The following FIP1L1 variants were observed in gnomAD, a reference collection of about 807,000 sequenced individuals.
FIP1L1 encodes the protein factor interacting with PAPOLA and CPSF1.
In FIP1L1, 21 loss-of-function variants were observed where a neutral mutation model predicts 84.6. That is an observed-to-expected ratio of 0.25 (90% CI 0.18 to 0.36). The LOEUF (loss-of-function observed/expected upper bound fraction) is 0.36, where lower values mean the gene tolerates loss of function less well. FIP1L1 is among the 10% of genes least tolerant of loss of function. The pLI, the probability that FIP1L1 is intolerant of heterozygous loss-of-function variation, is 1.00. For missense variants in FIP1L1, 526 were observed against 751.1 expected, an observed-to-expected ratio of 0.70 and a Z score of 3.50; for synonymous variants, 263 against 242.3, an observed-to-expected ratio of 1.09 and a Z score of -0.80.
chr4:53,445,898 C>G (rs1363015312), intron 15 of FIP1L1, among the ~76,000 whole-genome samples: 1 of 152,150 alleles, frequency 6.6e-6, no homozygotes, highest in Non-Finnish European at 1.5e-5. Flanking sequence ...TTTGGGGTGA[C>G]ATATTCTGGT....
intron 11 of FIP1L1, among the ~76,000 whole-genome samples, chr4:53,417,958 G>C (rs1760575072): frequency 6.6e-6 from 1 of 152,136 alleles, no homozygotes; most frequent in Non-Finnish European, 1.5e-5. Context: ...TGTTTGTAAA[G>C]AGCAAGTAAA....
At chr4:53,437,360 G>GAA (rs1769827647) in intron 13 of FIP1L1, among the ~76,000 whole-genome samples, 1 of 135,378 alleles carries the variant, frequency 7.4e-6, no homozygotes, top group Non-Finnish European at 1.6e-5. Flanking sequence ...AAAAGAGAGA[G>GAA]AAATCATCTT....
At chr4:53,409,637 C>T (rs1755983971) in intron 10 of FIP1L1, among the ~76,000 whole-genome samples, 1 of 152,208 alleles carries the variant, frequency 6.6e-6, no homozygotes, top group Non-Finnish European at 1.5e-5. Flanking sequence ...CTGTGGTGGG[C>T]TCCACCCAGT....
intron 13 of FIP1L1, among the ~76,000 whole-genome samples, chr4:53,435,721 T>A (rs1454261347): frequency 6.6e-6 from 1 of 152,174 alleles, no homozygotes; most frequent in Non-Finnish European, 1.5e-5. Context: ...AACTTAAAAC[T>A]TTTTTTGCAC....
In FIP1L1 at chr4:53,423,345, C is replaced by G. The variant is rs187140918; in HGVS notation, c.924-2527C>G. Among the ~76,000 whole-genome samples, 183 of 152,224 alleles carry G rather than the reference C, an allele frequency of 1.2e-3. 3 individuals carry two copies. Among genetic ancestry groups the G allele is most frequent in the Non-Finnish European group, 3.5e-4 (24 of 68,004 alleles). Reference sequence around the variant, plus strand: ...ATAATAGCATTAGCTGTCTACCTTACTGAACAAGTTTGTTGGCCTAATCAA... The same window carrying G: ...ATAATAGCATTAGCTGTCTACCTTAGTGAACAAGTTTGTTGGCCTAATCAA... On this transcript the variant is annotated intron_variant, in intron 11 of 17. Transcript: ENST00000337488.
intron 13 of FIP1L1, 97 bp from the exon 14 acceptor site, chr4:53,442,555 AT>A (rs1428755979): frequency 2.6e-6 from 2 of 783,540 alleles, no homozygotes. Flanking sequence ...GCACATTCAT[AT>A]CCCCAGAGAA....
rs766164236 is a variant in FIP1L1, at chr4:53,382,351, G to A, written c.228+16G>A. On this transcript the variant is annotated intron_variant, in intron 4 of 17. Transcript: ENST00000337488. Reference sequence around the variant, plus strand: ...ACCAAAACCGGTAACATAAGGCTTTGAAATCCAGTTACTGATACAAATCTT... The same window carrying A: ...ACCAAAACCGGTAACATAAGGCTTTAAAATCCAGTTACTGATACAAATCTT... 8 of 1,602,522 alleles carry A rather than the reference G, an allele frequency of 5.0e-6. No homozygotes were observed. The East Asian group carries it at 1.6e-4, about 31-fold the overall frequency.
At chr4:53,459,169 A>G (rs1442623247) in intron 17 of FIP1L1, 133 bp from the exon 18 acceptor site, 2 of 687,286 alleles carry the variant, frequency 2.9e-6, no homozygotes, top group South Asian at 4.0e-5. Flanking sequence ...TCCTCACATT[A>G]TATTTATGAG....
At position 53,379,231 on chromosome 4, in the gene FIP1L1, A is replaced by T; in HGVS notation, c.137A>T (p.Asn46Ile). Residue 46 changes from asparagine to isoleucine, a missense_variant, in exon 3 of 18, where the codon AAT becomes ATT. Asn to Ile is a moderately radical substitution (Grantham distance 149). Around this residue, in one of 6 missense-constraint regions of FIP1L1, gnomAD observed 100 missense variants for 107.2 expected, o/e 0.93. Coordinates refer to ENST00000337488, the MANE Select transcript of FIP1L1 (RefSeq NM_030917.4). Reference sequence around the variant, plus strand: ...TGTTTATTTTACTTGGTAGATGAAAATGAAGTTGAAAGGCCAGAAGAAGAA... The same window carrying T: ...TGTTTATTTTACTTGGTAGATGAAATTGAAGTTGAAAGGCCAGAAGAAGAA... ...HSDLAKDLDE[N>I]EVERPEEENA... 6.2e-7 allele frequency: 1 copy of T among 1,605,580 alleles called. No homozygotes were observed. The highest frequency in any genetic ancestry group is 1.1e-5 in the South Asian group (1 of 88,730).
intron 16 of FIP1L1, among the ~76,000 whole-genome samples, chr4:53,456,654 G>T (rs1387994486): frequency 6.6e-6 from 1 of 152,140 alleles, no homozygotes; most frequent in Non-Finnish European, 1.5e-5. Flanking sequence ...TTAATTATGG[G>T]CCAGAAAGAA....
chr4:53,451,666 A>G (rs1017683949), intron 15 of FIP1L1, among the ~76,000 whole-genome samples: 20 of 151,682 alleles, frequency 1.3e-4, no homozygotes, highest in East Asian at 5.8e-4. Flanking sequence ...TTCTCCATCA[A>G]TACAGAGACT....
chr4:53,407,878 CTA>C (rs1434786015), intron 10 of FIP1L1, among the ~76,000 whole-genome samples: 3 of 152,060 alleles, frequency 2.0e-5, no homozygotes, highest in Non-Finnish European at 4.4e-5. Context: ...TATTTTGAGT[CTA>C]TGTGTGTCTC....
rs554315484 is a variant in FIP1L1, at chr4:53,395,268, T to C, written c.705+3770T>C. ...ATTGTTTAATAGAATGAGGATATTA[T>C]GAAGAAATTAAGGAAAAAAGAAAAG... On this transcript the variant is annotated intron_variant, in intron 9 of 17. Transcript: ENST00000337488. Among the ~76,000 whole-genome samples, 22 of 152,338 alleles carry C rather than the reference T, an allele frequency of 1.4e-4. No individual in the cohort carries two copies. In the East Asian group the frequency reaches 3.3e-3, roughly 23 times the overall value.
At chr4:53,449,887 G>A (rs1022850932) in intron 15 of FIP1L1, among the ~76,000 whole-genome samples, 22 of 152,202 alleles carry the variant, frequency 1.4e-4, no homozygotes, top group Admixed American at 2.6e-4. Flanking sequence ...TTGGTATAAA[G>A]TGCAGCATAT....
intron 9 of FIP1L1, among the ~76,000 whole-genome samples, chr4:53,397,162 G>A (rs2149458368): frequency 6.6e-6 from 1 of 152,322 alleles, no homozygotes; most frequent in Middle Eastern, 3.4e-3. Context: ...TCCCTGTAAA[G>A]AGAAACCAGG....
At chr4:53,402,810 C>A (rs542255335) in intron 10 of FIP1L1, among the ~76,000 whole-genome samples, 6 of 152,134 alleles carry the variant, frequency 3.9e-5, no homozygotes, top group Admixed American at 3.3e-4. Flanking sequence ...TTTAATAAAG[C>A]CAAAGGGATG....
At position 53,453,246 on chromosome 4, in the gene FIP1L1, A is replaced by G. The variant is rs181164850; in HGVS notation, c.1499+113A>G. Reference sequence around the variant, plus strand: ...CTTGGAAAAGAGATGCTCAGGGAGTACATAGGAAAGCCATCTTAAAATGAT... The same window carrying G: ...CTTGGAAAAGAGATGCTCAGGGAGTGCATAGGAAAGCCATCTTAAAATGAT... On this transcript the variant is annotated intron_variant, in intron 16 of 17. Transcript: ENST00000337488. 6.4e-5 allele frequency: 77 copies of G among 1,204,828 alleles called. No individual in the cohort carries two copies. In the Admixed American group the frequency reaches 6.6e-4, roughly 10 times the overall value. The allele number at this position is 1,204,828 out of a possible 1,614,324, so 74.6% of individuals were successfully genotyped here.
intron 17 of FIP1L1, 59 bp downstream of exon 17, chr4:53,458,849 T>C (rs1579298729): frequency 1.3e-6 from 2 of 1,553,444 alleles, no homozygotes; most frequent in South Asian, 2.5e-5. Flanking sequence ...ACTTACTACA[T>C]TGTCGCATTG....
chr4:53,404,774 A>G (rs1408452985), intron 10 of FIP1L1, among the ~76,000 whole-genome samples: 4 of 151,966 alleles, frequency 2.6e-5, no homozygotes, highest in African/African-American at 9.7e-5. Context: ...GATGGTGAGC[A>G]TTTTTTCATG....
Sources: gnomAD v4.1 joint callset for allele counts (sites outside exome capture counted in the v4.1 genomes callset) on GRCh38, gnomAD v4.1.1 for gene constraint, gnomAD v4.1.1 regional missense constraint, MANE v1.5 for transcripts, NCBI Gene and HGNC (gene_info 2026-07-23, HGNC 2026-07-21) for gene names.